CBR1: variants seen among roughly 807,000 people sequenced by gnomAD.
The protein encoded by CBR1 is carbonyl reductase 1.
Under a neutral mutation model 10.6 loss-of-function variants are expected in CBR1, and 11 were observed. The observed-to-expected ratio is 1.03, with a 90% CI of 0.65 to 1.71. CBR1 has a LOEUF of 1.71. Among genes scored for constraint, CBR1 ranks in the 40% most tolerant of loss-of-function variants. The pLI is 0.00. For synonymous variants in CBR1, 158 were observed against 156.7 expected (o/e 1.01, Z -0.06); for missense variants, 361 against 368.6 (o/e 0.98, Z 0.17).
In CBR1 at chr21:36,070,033, C is replaced by T; in HGVS notation, c.-83C>T. ...CGCGCCCACGACCGCCAGACTCGAG[C>T]AGTCTCTGGAACACGCTGCGGGGCT... On this transcript the variant is annotated 5_prime_UTR_variant, in exon 1 of 3. Coordinates refer to ENST00000290349, the MANE Select transcript of CBR1 (RefSeq NM_001757.4). 1 of 1,383,928 alleles carries T rather than the reference C, an allele frequency of 7.2e-7. No individual in the cohort carries two copies. The allele number at this position is 1,383,928 out of a possible 1,614,324, so 85.7% of individuals were successfully genotyped here. A position where few individuals can be genotyped will look rare whatever the true frequency, so the allele number is the denominator to read the frequency against.
At chr21:36,070,480 G>A in intron 1 of CBR1, 76 bp downstream of exon 1, 1 of 1,425,780 alleles carries the variant, frequency 7.0e-7, no homozygotes, top group Non-Finnish European at 9.4e-7. Flanking sequence ...GGTCCATAAC[G>A]CCTCCCTAGG....
rs528721284 is a variant in CBR1 at position 36,072,977 on chromosome 21, G to GA, written c.*103dup. 5.6e-5 allele frequency: 45 copies of GA among 796,736 alleles called. No individual in the cohort carries two copies. The highest frequency in any genetic ancestry group is 9.0e-5 in the Admixed American group (3 of 33,258). 49.4% of individuals were successfully genotyped at this position (796,736 alleles called of 1,614,324 possible). A position where few individuals can be genotyped will look rare whatever the true frequency, so the allele number is the denominator to read the frequency against. ...CAATGTCATAAATATCCTTATATAA[G>GA]AAAAAAAATGATCTCTTATCAATTA... On this transcript the variant is annotated 3_prime_UTR_variant, in exon 3 of 3. Transcript: ENST00000290349.
intron 1 of CBR1, 121 bp from the exon 2 acceptor site, chr21:36,070,829 C>T (rs2123835444): frequency 1.6e-6 from 1 of 635,664 alleles, no homozygotes; most frequent in Admixed American, 2.9e-5. Flanking sequence ...CAGATACAGA[C>T]TTACTTTAGG....
At chr21:36,071,741 C>G (rs1002919189) in intron 2 of CBR1, 8 of 1,021,554 alleles carry the variant, frequency 7.8e-6, no homozygotes, top group African/African-American at 1.6e-5. Context: ...AGGCCCTCAC[C>G]TGTCCCTCTG....
chr21:36,071,745 C>A, intron 2 of CBR1: 1 of 1,063,782 alleles, frequency 9.4e-7, no homozygotes, highest in Non-Finnish European at 1.4e-6. Context: ...CCTCACCTGT[C>A]CCTCTGGACA....
In CBR1 at chr21:36,070,204, C is replaced by G; in HGVS notation, c.89C>G (p.Ser30Trp). 6.2e-7 allele frequency: 1 copy of G among 1,607,784 alleles called. No homozygotes were observed. Among genetic ancestry groups the G allele is most frequent in the Non-Finnish European group, 8.5e-7 (1 of 1,177,806 alleles). ...AIVRDLCRLF[S>W]GDVVLTARDV... is the part of the protein sequence containing the mutation. The stretch of plus-strand genomic sequence containing the variant: ...GTGCGCGACCTGTGCCGGCTGTTCT[C>G]GGGGGACGTGGTGCTCACGGCGCGG... The change falls in exon 1 of 3, where the codon TCG (serine) becomes TGG (tryptophan). Residue 30 changes from serine (S) to tryptophan (W), a missense_variant. Ser to Trp is a radical substitution (Grantham distance 177). Coordinates refer to ENST00000290349, the MANE Select transcript of CBR1 (RefSeq NM_001757.4).
At position 36,073,056 on chromosome 21, in the gene CBR1, A is replaced by T; in HGVS notation, c.*174A>T. On this transcript the variant is annotated 3_prime_UTR_variant, in exon 3 of 3. Transcript: ENST00000290349. ...AACCTACGCACTCAGTTGACTACGT[A>T]AATCTGTCAGGTCTTTTGTGATTTC... The T allele has an allele frequency of 2.1e-6, 1 of 466,542 alleles. No individual in the cohort carries two copies. The highest frequency in any genetic ancestry group is 3.8e-6 in the Non-Finnish European group (1 of 265,666). The allele number at this position is 466,542 out of a possible 1,614,324, so 28.9% of individuals were successfully genotyped here. A position where few individuals can be genotyped will look rare whatever the true frequency, so the allele number is the denominator to read the frequency against.
rs2065365689 is a variant in CBR1 at position 36,073,036 on chromosome 21, A to G, written c.*154A>G. On this transcript the variant is annotated 3_prime_UTR_variant, in exon 3 of 3. Transcript: ENST00000290349. ...TAATGTACTACTAATTGAGCAACCTACGCACTCAGTTGACTACGTAAATCT... is the reference window on the plus strand; with the variant it reads ...TAATGTACTACTAATTGAGCAACCTGCGCACTCAGTTGACTACGTAAATCT... 13 of 513,832 alleles carry G rather than the reference A, an allele frequency of 2.5e-5. No homozygotes were observed. In the Admixed American group the frequency reaches 3.9e-4, roughly 15 times the overall value. 31.8% of individuals were successfully genotyped at this position (513,832 alleles called of 1,614,324 possible). A position where few individuals can be genotyped will look rare whatever the true frequency, so the allele number is the denominator to read the frequency against.
In CBR1 at chr21:36,072,684, G is replaced by A; in HGVS notation, c.636G>A (p.Leu212=). ...TGTCCAGGATCCACGCCAGGAAACT[G>A]AGTGAGCAGAGGAAAGGGGACAAGA... ...TVLSRIHARK[L]SEQRKGDKIL... is the part of the protein sequence containing the mutation. The change falls in exon 3 of 3, where the codon CTG becomes CTA. Residue 212 remains leucine, a synonymous_variant. Coordinates refer to ENST00000290349, the MANE Select transcript of CBR1 (RefSeq NM_001757.4). 1.9e-6 allele frequency: 3 copies of A among 1,614,138 alleles called. No individual in the cohort carries two copies. The highest frequency in any genetic ancestry group is 2.5e-6 in the Non-Finnish European group (3 of 1,180,020).
At chr21:36,071,749 C>A in intron 2 of CBR1, 2 of 1,146,402 alleles carry the variant, frequency 1.7e-6, no homozygotes, top group Non-Finnish European at 2.5e-6. Flanking sequence ...ACCTGTCCCT[C>A]TGGACAATTG....
intron 1 of CBR1, 53 bp from the exon 2 acceptor site, chr21:36,070,879 TTAGTATCATTGTATAGAA>T: frequency 3.1e-5 from 28 of 903,824 alleles, no homozygotes; most frequent in Non-Finnish European, 3.7e-5. Context: ...TTTTTTTTTT[TTAGTATCATTGTATAGAA>T]TTTTACCCCA....
Position 36,070,166 on chromosome 21 carries a change from C to G in CBR1, c.51C>G (p.Ile17Met). The change falls in exon 1 of 3, where the codon ATC (isoleucine) becomes ATG (methionine). Residue 17 changes from isoleucine (I) to methionine (M), a missense_variant. Coordinates refer to ENST00000290349, the MANE Select transcript of CBR1 (RefSeq NM_001757.4). ...VALVTGGNKG[I>M]GLAIVRDLCR... is the part of the protein sequence containing the mutation. ...TGGTGACTGGAGGCAACAAGGGCAT[C>G]GGCTTGGCCATCGTGCGCGACCTGT... The G allele has an allele frequency of 6.3e-7, 1 of 1,586,502 alleles. No homozygotes were observed. Among genetic ancestry groups the G allele is most frequent in the Non-Finnish European group, 8.6e-7 (1 of 1,167,650 alleles).
intron 1 of CBR1, 68 bp downstream of exon 1, chr21:36,070,472 T>G (rs2065343672): frequency 6.8e-7 from 1 of 1,465,122 alleles, no homozygotes; most frequent in East Asian, 2.4e-5. Flanking sequence ...GTCTGCGGGG[T>G]CCATAACGCC....
At position 36,070,377 on chromosome 21, in the gene CBR1, G is replaced by C. The variant is rs1143663; in HGVS notation, c.262G>C (p.Val88Leu). 1 of 1,609,826 alleles carries C rather than the reference G, an allele frequency of 6.2e-7. No homozygotes were observed. The highest frequency in any genetic ancestry group is 8.5e-7 in the Non-Finnish European group (1 of 1,177,870). Residue 88 changes from valine to leucine, a missense_variant, in exon 1 of 3, where the codon GTC (valine) becomes CTC (leucine). Physicochemically the swap from Val to Leu is conservative, Grantham distance 32. Transcript: ENST00000290349. ...GGAGTACGGGGGCCTGGACGTGCTG[G>C]TCAACAACGCGGGCATCGCCTTCAA... ...RKEYGGLDVL[V>L]NNAGIAFKVA...
At chr21:36,070,626 T>C in intron 1 of CBR1, 1 of 553,998 alleles carries the variant, frequency 1.8e-6, no homozygotes, top group Non-Finnish European at 3.1e-6. Context: ...GCAGTTTTTC[T>C]GAATTGAGCT....
rs772044820 is a variant in CBR1, at chr21:36,070,997, A to G, written c.337A>G (p.Thr113Ala). The change falls in exon 2 of 3, where the codon ACA becomes GCA. Residue 113 changes from threonine to alanine, a missense_variant. Transcript: ENST00000290349. Reference protein sequence around the residue: ...FHIQAEVTMKTNFFGTRDVCT... With the variant: ...FHIQAEVTMKANFFGTRDVCT... ...TATTCAAGCTGAAGTGACGATGAAA[A>G]CAAATTTCTTTGGTACCCGAGATGT... 1.9e-6 allele frequency: 3 copies of G among 1,613,954 alleles called. No homozygotes were observed. The Admixed American group carries it at 5.0e-5, about 27-fold the overall frequency.
At position 36,072,905 on chromosome 21, in the gene CBR1, T is replaced by G. The variant is rs1467520694; in HGVS notation, c.*23T>G. On this transcript the variant is annotated 3_prime_UTR_variant, in exon 3 of 3. Coordinates refer to ENST00000290349, the MANE Select transcript of CBR1 (RefSeq NM_001757.4). ...TGAGCTGGGCTCACAGCTCCATCCATGGGCCCCATTTTGTACCTTGTCCTG... is the reference window on the plus strand; with the variant it reads ...TGAGCTGGGCTCACAGCTCCATCCAGGGGCCCCATTTTGTACCTTGTCCTG... The G allele has an allele frequency of 6.4e-7, 1 of 1,550,572 alleles. No homozygotes were observed.
Position 36,072,428 on chromosome 21 carries a change from C to T in CBR1, c.398-18C>T, listed in dbSNP as rs2065358601. ...TTGTTGCACACCTTTCTACATAATGCTTTGTGGTGTATCTTAGGGAGAGTG... is the reference window on the plus strand; with the variant it reads ...TTGTTGCACACCTTTCTACATAATGTTTTGTGGTGTATCTTAGGGAGAGTG... On this transcript the variant is annotated intron_variant, in intron 2 of 2. Transcript: ENST00000290349. 1.2e-6 allele frequency: 2 copies of T among 1,614,060 alleles called. No individual in the cohort carries two copies. The highest frequency in any genetic ancestry group is 1.1e-5 in the South Asian group (1 of 91,082).
Position 36,070,135 on chromosome 21 carries a change from T to C in CBR1, c.20T>C (p.Val7Ala). ...TCAGCCATGTCGTCCGGCATCCATG[T>C]AGCGCTGGTGACTGGAGGCAACAAG... MSSGIH[V>A]ALVTGGNKGI... Residue 7 changes from valine (V) to alanine (A), a missense_variant, in exon 1 of 3, where the codon GTA becomes GCA. Transcript: ENST00000290349. The C allele has an allele frequency of 1.5e-5, 24 of 1,551,424 alleles. No individual in the cohort carries two copies. Among genetic ancestry groups the C allele is most frequent in the Non-Finnish European group, 2.1e-5 (24 of 1,149,702 alleles).
Sources: gnomAD v4.1 joint callset for allele counts on GRCh38, gnomAD v4.1.1 for gene constraint, MANE v1.5 for transcripts, NCBI Gene and HGNC (gene_info 2026-07-23, HGNC 2026-07-21) for gene names.